Variants in SUPT3H observed in about 807,000 individuals in gnomAD.
SUPT3H encodes SPT3 homolog, SAGA and STAGA complex component.
SUPT3H carries 44 observed loss-of-function variants against 44.3 expected under a neutral mutation model. The ratio of observed to expected loss-of-function variants is 0.99; its 90% confidence interval spans 0.78 to 1.28. SUPT3H has a LOEUF of 1.28. Ranked by LOEUF, SUPT3H falls within the 50% of genes most tolerant of loss-of-function variation. The pLI is 0.00. For missense variants in SUPT3H, 380 were observed against 387.1 expected, an observed-to-expected ratio of 0.98 and a Z score of 0.15; for synonymous variants, 124 against 125.6, an observed-to-expected ratio of 0.99 and a Z score of 0.09.
At chr6:45,144,274 C>G (rs151018250) in intron 2 of SUPT3H, among the ~76,000 whole-genome samples, 4 of 152,004 alleles carry the variant, frequency 2.6e-5, no homozygotes, top group Admixed American at 2.6e-4. Flanking sequence ...TCCTGATGGA[C>G]GTAGATGCAA....
At chr6:45,107,026 T>C (rs1799384319) in intron 2 of SUPT3H, among the ~76,000 whole-genome samples, 1 of 152,204 alleles carries the variant, frequency 6.6e-6, no homozygotes. Context: ...GTAAATACCA[T>C]TGAATATGAC....
chr6:44,889,558 C>G lies in SUPT3H; in HGVS notation c.912+43095G>C, dbSNP rs1052599039. On this transcript the variant is annotated intron_variant, in intron 10 of 10. Coordinates refer to ENST00000371459, the MANE Select transcript of SUPT3H (RefSeq NM_003599.4). ...TGGTGCTGGGAAAACTGGCTAGCCACATGTAGAAAGCTGAAACTGGATGCC... is the reference window on the plus strand; with the variant it reads ...TGGTGCTGGGAAAACTGGCTAGCCAGATGTAGAAAGCTGAAACTGGATGCC... Among the ~76,000 whole-genome samples the G allele has an allele frequency of 3.3e-5, 5 of 152,238 alleles. No homozygotes were observed. In the East Asian group the frequency reaches 5.8e-4, roughly 18 times the overall value.
intron 2 of SUPT3H, among the ~76,000 whole-genome samples, chr6:45,270,701 G>C (rs1416124276): frequency 6.6e-6 from 1 of 152,142 alleles, no homozygotes; most frequent in East Asian, 1.9e-4. Flanking sequence ...CACCAGAGTG[G>C]GGCACTGCTG....
chr6:45,239,191 T>C (rs1382264027), intron 2 of SUPT3H, among the ~76,000 whole-genome samples: 3 of 152,230 alleles, frequency 2.0e-5, no homozygotes, highest in Non-Finnish European at 4.4e-5. Context: ...TCAGTTATGA[T>C]TTCATACAGA....
chr6:44,845,827 CAAT>C (rs1185507177), intron 10 of SUPT3H, among the ~76,000 whole-genome samples: 1 of 152,210 alleles, frequency 6.6e-6, no homozygotes, highest in East Asian at 1.9e-4. Flanking sequence ...TACTTCCACT[CAAT>C]AAAACCTTGT....
At chr6:44,980,001 C>A (rs1472240712) in intron 6 of SUPT3H, among the ~76,000 whole-genome samples, 1 of 152,160 alleles carries the variant, frequency 6.6e-6, no homozygotes, top group African/African-American at 2.4e-5. Context: ...TTTCTGGCTA[C>A]ATATATAAGC....
intron 3 of SUPT3H, among the ~76,000 whole-genome samples, chr6:45,069,147 G>C (rs1050234011): frequency 4.8e-4 from 73 of 152,216 alleles, no homozygotes; most frequent in Middle Eastern, 3.4e-3. Context: ...GATAAAGAGG[G>C]ATTATCTGTG....
rs192539522 is a variant in SUPT3H, at chr6:44,970,693, A to C, written c.505-8865T>G. Among the ~76,000 whole-genome samples, 17 of 152,302 alleles carry C rather than the reference A, an allele frequency of 1.1e-4. No individual in the cohort carries two copies. The East Asian group carries it at 3.3e-3, about 29-fold the overall frequency. ...TTCTTAAAAATTCTCAGAGGTTTAC[A>C]TAATATCTAGATGAGCTGAAAGGCT... On this transcript the variant is annotated intron_variant, in intron 6 of 10. Coordinates refer to ENST00000371459, the MANE Select transcript of SUPT3H (RefSeq NM_003599.4).
intron 2 of SUPT3H, among the ~76,000 whole-genome samples, chr6:45,163,081 A>G (rs564840393): frequency 2.6e-5 from 4 of 152,182 alleles, no homozygotes; most frequent in Non-Finnish European, 4.4e-5. Flanking sequence ...AGAAGTGGGG[A>G]GATTACATAT....
intron 2 of SUPT3H, among the ~76,000 whole-genome samples, chr6:45,110,060 T>C (rs1397480154): frequency 1.3e-5 from 2 of 152,188 alleles, no homozygotes; most frequent in South Asian, 2.1e-4. Context: ...CTCGTTGCTA[T>C]AACACACAAC....
At chr6:45,306,543 CAA>C (rs1288596664) in intron 2 of SUPT3H, among the ~76,000 whole-genome samples, 3 of 152,102 alleles carry the variant, frequency 2.0e-5, no homozygotes, top group Non-Finnish European at 2.9e-5. Context: ...AAAACTAGCC[CAA>C]AAAGTCTGCA....
chr6:44,813,941 T>A (rs2153403403), intron 11 of SUPT3H, among the ~76,000 whole-genome samples: 1 of 151,874 alleles, frequency 6.6e-6, no homozygotes. Context: ...GTGGATAGGA[T>A]CTAAAAAAAT....
chr6:45,004,423 T>TA (rs531601983), intron 5 of SUPT3H, among the ~76,000 whole-genome samples: 230 of 152,114 alleles, frequency 1.5e-3, no homozygotes, highest in African/African-American at 5.4e-3. Flanking sequence ...ACAGAAGATT[T>TA]AAAAAATATA....
intron 9 of SUPT3H, among the ~76,000 whole-genome samples, chr6:44,935,760 GCTT>G (rs1368596054): frequency 6.6e-6 from 1 of 152,122 alleles, no homozygotes; most frequent in African/African-American, 2.4e-5. Flanking sequence ...TTGTCTCTCT[GCTT>G]TTCTCTGCCG....
intron 3 of SUPT3H, among the ~76,000 whole-genome samples, chr6:45,059,869 C>G (rs140427639): frequency 6.6e-6 from 1 of 151,996 alleles, no homozygotes; most frequent in Non-Finnish European, 1.5e-5. Flanking sequence ...AATAAAATAC[C>G]TGGGAATATA....
At chr6:45,279,535 C>A (rs1264556407) in intron 2 of SUPT3H, among the ~76,000 whole-genome samples, 2 of 152,086 alleles carry the variant, frequency 1.3e-5, no homozygotes, top group Non-Finnish European at 2.9e-5. Flanking sequence ...TAGCACCTCC[C>A]CCCTTTCTGA....
chr6:44,861,388 T>TCTTTC (rs572133231), intron 10 of SUPT3H, among the ~76,000 whole-genome samples: 221 of 150,662 alleles, frequency 1.5e-3, no homozygotes, highest in African/African-American at 5.2e-3. Context: ...TCTTTTCTTT[T>TCTTTC]CTTTTTGTTT....
downstream of SUPT3H, among the ~76,000 whole-genome samples, chr6:44,824,538 G>GTTAT (rs1207415199): frequency 6.6e-6 from 1 of 152,114 alleles, no homozygotes; most frequent in East Asian, 1.9e-4. Flanking sequence ...GGCTGGTGCA[G>GTTAT]TTATTTGGAA....
chr6:44,990,692 A>C (rs1056773173), intron 6 of SUPT3H, among the ~76,000 whole-genome samples: 1 of 151,964 alleles, frequency 6.6e-6, no homozygotes, highest in Non-Finnish European at 1.5e-5. Context: ...TCATCCATTC[A>C]TCTCTCTCTT....
Sources: allele counts gnomAD v4.1 joint callset (sites outside exome capture counted in the v4.1 genomes callset), GRCh38; gene constraint gnomAD v4.1.1; transcripts MANE v1.5; gene names NCBI Gene and HGNC (gene_info 2026-07-23, HGNC 2026-07-21).